The following WDR41 variants were observed in gnomAD, a reference collection of about 807,000 sequenced individuals.
The protein encoded by WDR41 is WD repeat-containing protein 41.
Under a neutral mutation model 69.3 loss-of-function variants are expected in WDR41, and 63 were observed. The ratio of observed to expected loss-of-function variants is 0.91; its 90% CI spans 0.74 to 1.12. WDR41 has a LOEUF of 1.12. Ranked by LOEUF, WDR41 falls within the 50% of genes most tolerant of loss-of-function variation. WDR41 has a pLI of 0.00. For missense variants in WDR41, 543 were observed against 534.5 expected (o/e 1.02, Z -0.16); for synonymous variants, 185 against 192.1 (o/e 0.96, Z 0.31).
intron 1 of WDR41, among the ~76,000 whole-genome samples, chr5:77,616,022 T>G (rs974930498): frequency 1.3e-5 from 2 of 151,466 alleles, no homozygotes; most frequent in Non-Finnish European, 2.9e-5. Context: ...AATAAATTAA[T>G]TAATTAATAA....
chr5:77,579,525 CA>C (rs1214320425), intron 1 of WDR41, among the ~76,000 whole-genome samples: 1 of 151,412 alleles, frequency 6.6e-6, no homozygotes, highest in Non-Finnish European at 1.5e-5. Context: ...ACAACATGTT[CA>C]AAGTGCTAAA....
intron 1 of WDR41, among the ~76,000 whole-genome samples, chr5:77,580,235 A>G (rs1743911662): frequency 6.6e-6 from 1 of 152,198 alleles, no homozygotes; most frequent in Non-Finnish European, 1.5e-5. Flanking sequence ...AAGAGGTTTA[A>G]TTGACTCACA....
At chr5:77,582,346 C>A in intron 1 of WDR41, 2 of 1,589,118 alleles carry the variant, frequency 1.3e-6, no homozygotes, top group Non-Finnish European at 8.6e-7. Context: ...AGTACGCATG[C>A]GCCAACTTCC....
At chr5:77,434,055 C>G (rs889207422) in intron 12 of WDR41, among the ~76,000 whole-genome samples, 1 of 152,144 alleles carries the variant, frequency 6.6e-6, no homozygotes. Flanking sequence ...CAGGGCCGGG[C>G]GTGGTGGCTC....
At chr5:77,468,550 T>G (rs148733280) in intron 2 of WDR41, among the ~76,000 whole-genome samples, 1 of 152,206 alleles carries the variant, frequency 6.6e-6, no homozygotes, top group Non-Finnish European at 1.5e-5. Context: ...GTCCAATAGC[T>G]AAATGCTCAT....
chr5:77,488,147 T>C (rs1801605337), intron 2 of WDR41, among the ~76,000 whole-genome samples: 1 of 152,290 alleles, frequency 6.6e-6, no homozygotes, highest in East Asian at 1.9e-4. Context: ...CAGCTGGAAA[T>C]GCAAGTGGCC....
At chr5:77,454,090 C>T (rs569014244) in intron 5 of WDR41, among the ~76,000 whole-genome samples, 162 bp from the exon 6 acceptor site, 1 of 152,296 alleles carries the variant, frequency 6.6e-6, no homozygotes, top group South Asian at 2.1e-4. Flanking sequence ...CTAGCTTCTA[C>T]CAAACAGATT....
intron 1 of WDR41, among the ~76,000 whole-genome samples, chr5:77,594,314 A>T (rs959237572): frequency 2.6e-5 from 4 of 151,804 alleles, no homozygotes; most frequent in Non-Finnish European, 2.9e-5. Flanking sequence ...TACCTAATGT[A>T]AATGACGAGT....
intron 1 of WDR41, among the ~76,000 whole-genome samples, chr5:77,616,935 A>G (rs1162566965): frequency 3.9e-5 from 6 of 152,226 alleles, no homozygotes; most frequent in African/African-American, 1.4e-4. Flanking sequence ...AAATCTAGAT[A>G]GAAATCTCAG....
intron 2 of WDR41, among the ~76,000 whole-genome samples, chr5:77,483,031 T>C (rs918120110): frequency 6.6e-6 from 1 of 152,208 alleles, no homozygotes; most frequent in African/African-American, 2.4e-5. Flanking sequence ...GTTTCCATCA[T>C]ATATTTGCCT....
At chr5:77,608,548 C>T (rs1318670364) in intron 1 of WDR41, among the ~76,000 whole-genome samples, 1 of 152,174 alleles carries the variant, frequency 6.6e-6, no homozygotes, top group Admixed American at 6.5e-5. Flanking sequence ...ATTTCAAGTA[C>T]CTAAAAGCCA....
chr5:77,460,934 G>C (rs1352967872), intron 4 of WDR41, among the ~76,000 whole-genome samples: 1 of 152,044 alleles, frequency 6.6e-6, no homozygotes, highest in Non-Finnish European at 1.5e-5. Flanking sequence ...GAATTCATTT[G>C]GGTAAGAGAG....
At chr5:77,588,617 A>G (rs1345082018) in intron 1 of WDR41, among the ~76,000 whole-genome samples, 1 of 152,152 alleles carries the variant, frequency 6.6e-6, no homozygotes, top group African/African-American at 2.4e-5. Context: ...ACTGACCTAT[A>G]TGGTCAATTC....
intron 1 of WDR41, among the ~76,000 whole-genome samples, chr5:77,613,595 G>C (rs1245833026): frequency 6.6e-6 from 1 of 152,032 alleles, no homozygotes. Flanking sequence ...TAGCCATATG[G>C]AGAAAGCTGA....
chr5:77,555,333 G>A (rs1743372022), intron 1 of WDR41, among the ~76,000 whole-genome samples: 1 of 152,112 alleles, frequency 6.6e-6, no homozygotes, highest in South Asian at 2.1e-4. Flanking sequence ...TATTAAGACA[G>A]GGTATCACTT....
chr5:77,559,371 T>C (rs1001637586), intron 1 of WDR41, among the ~76,000 whole-genome samples: 3 of 152,146 alleles, frequency 2.0e-5, no homozygotes, highest in African/African-American at 7.2e-5. Flanking sequence ...ATTACATTAA[T>C]ATAAATTTTA....
intron 12 of WDR41, among the ~76,000 whole-genome samples, chr5:77,434,127 T>G (rs1798843221): frequency 6.6e-6 from 1 of 151,992 alleles, no homozygotes; most frequent in African/African-American, 2.4e-5. Flanking sequence ...GTCAGGAGTT[T>G]AAGGCCAGCC....
chr5:77,515,873 A>G (rs932688263), intron 1 of WDR41, among the ~76,000 whole-genome samples: 3 of 152,332 alleles, frequency 2.0e-5, no homozygotes, highest in African/African-American at 7.2e-5. Context: ...CCATTTGATA[A>G]TCTATTCAAT....
chr5:77,588,260 T>G (rs1336834347), intron 1 of WDR41, among the ~76,000 whole-genome samples: 1 of 152,234 alleles, frequency 6.6e-6, no homozygotes, highest in African/African-American at 2.4e-5. Context: ...TGTCTTTTAA[T>G]TAACAGATAT....
Sources: allele counts gnomAD v4.1 joint callset (sites outside exome capture counted in the v4.1 genomes callset), GRCh38; gene constraint gnomAD v4.1.1; transcripts MANE v1.5; gene names NCBI Gene and HGNC (gene_info 2026-07-23, HGNC 2026-07-21).